Variants in UFC1 observed in about 807,000 individuals in gnomAD.
UFC1 encodes ubiquitin-fold modifier conjugating enzyme 1, also known as ubiquitin-fold modifier-conjugating enzyme 1.
A neutral mutation model predicts 28.0 loss-of-function variants in UFC1; 22 were observed. The observed-to-expected ratio is 0.78, with a 90% CI of 0.56 to 1.12. The LOEUF (loss-of-function observed/expected upper bound fraction) is 1.12. Ranked by LOEUF, UFC1 falls within the 50% of genes most tolerant of loss-of-function variation. UFC1 has a pLI of 0.00. For synonymous variants in UFC1, 61 were observed against 74.5 expected (o/e 0.82, Z 0.93); for missense variants, 189 against 207.8 (o/e 0.91, Z 0.56).
At chr1:161,156,920 T>C in intron 1 of UFC1, 30 bp from the exon 2 acceptor site, 1 of 1,604,230 alleles carries the variant, frequency 6.2e-7, no homozygotes. Flanking sequence ...CCCCAACTAC[T>C]CTCTCAAAGA....
chr1:161,153,978 C>T lies in UFC1; in HGVS notation c.-20C>T, dbSNP rs1276249907. Reference sequence around the variant, plus strand: ...TACAGGCAACACCACTTCCGCGTTTCTCTTGCGCCCTGGTCCAAGATGGCG... The same window carrying T: ...TACAGGCAACACCACTTCCGCGTTTTTCTTGCGCCCTGGTCCAAGATGGCG... On this transcript the variant is annotated 5_prime_UTR_variant, in exon 1 of 6. Coordinates refer to ENST00000368003, the MANE Select transcript of UFC1 (RefSeq NM_016406.4). 2 of 1,613,886 alleles carry T rather than the reference C, an allele frequency of 1.2e-6. No homozygotes were observed. The highest frequency in any genetic ancestry group is 3.3e-5 in the Admixed American group (2 of 59,978).
rs1328721931 is a variant in UFC1, at chr1:161,158,423, G to A, written c.435G>A (p.Trp145Ter). 1 of 1,614,210 alleles carries A rather than the reference G, an allele frequency of 6.2e-7. No homozygotes were observed. The highest frequency in any genetic ancestry group is 2.2e-5 in the East Asian group (1 of 44,888). ...AHLMALGLGP[W>*]LAVEIPDLIQ... is the part of the protein sequence containing the mutation. ...TCCTTGTATTGCAGCTGGGTCCATG[G>A]CTGGCAGTGGAAATCCCTGATCTGA... is the stretch of plus-strand genomic sequence containing the variant. Residue 145 changes from tryptophan (W) to a stop codon, truncating the protein, a stop_gained, in exon 6 of 6, where the codon TGG (tryptophan) becomes TGA (stop). Transcript: ENST00000368003. LOFTEE classifies it high-confidence loss of function.
intron 1 of UFC1, among the ~76,000 whole-genome samples, chr1:161,155,050 G>A (rs1172335605): frequency 3.9e-5 from 6 of 152,008 alleles, no homozygotes; most frequent in African/African-American, 1.2e-4. Flanking sequence ...ATACCAAGCC[G>A]AATAAGGAGG....
At chr1:161,156,416 G>A (rs1475650682) in intron 1 of UFC1, among the ~76,000 whole-genome samples, 1 of 151,332 alleles carries the variant, frequency 6.6e-6, no homozygotes, top group Non-Finnish European at 1.5e-5. Flanking sequence ...GCGGGCACCT[G>A]TAGTTCCAGC....
At chr1:161,157,200 A>G in intron 2 of UFC1, 54 bp from the exon 3 acceptor site, 1 of 1,609,856 alleles carries the variant, frequency 6.2e-7, no homozygotes, top group South Asian at 1.1e-5. Context: ...CCAAGATATC[A>G]TTTGAGTACT....
intron 4 of UFC1, 85 bp from the exon 5 acceptor site, chr1:161,158,036 T>C: frequency 1.7e-6 from 2 of 1,184,654 alleles, no homozygotes; most frequent in South Asian, 2.5e-5. Flanking sequence ...TTCTGATCAC[T>C]AGTAGTCTTC....
chr1:161,157,054 C>T (rs771343038), intron 2 of UFC1, 37 bp downstream of exon 2: 1 of 1,602,360 alleles, frequency 6.2e-7, no homozygotes, highest in South Asian at 1.1e-5. Context: ...GGGTGGGAGT[C>T]TTATATGAGT....
chr1:161,155,066 A>G (rs760179093), intron 1 of UFC1, among the ~76,000 whole-genome samples: 2 of 152,242 alleles, frequency 1.3e-5, no homozygotes, highest in Non-Finnish European at 2.9e-5. Context: ...GGAGGAACTT[A>G]CTGAGGTAGA....
At position 161,158,570 on chromosome 1, in the gene UFC1, C is replaced by T. The variant is rs1416093340; in HGVS notation, c.*78C>T. 3 of 1,475,692 alleles carry T rather than the reference C, an allele frequency of 2.0e-6. No individual in the cohort carries two copies. Among genetic ancestry groups the T allele is most frequent in the Non-Finnish European group, 1.9e-6 (2 of 1,058,532 alleles). The allele number at this position is 1,475,692 out of a possible 1,614,324, so 91.4% of individuals were successfully genotyped here. Reference sequence around the variant, plus strand: ...ATTTTCCTGTGCATCACACTTAACTCATCTAACTGCTTCCCCGGACACCCT... The same window carrying T: ...ATTTTCCTGTGCATCACACTTAACTTATCTAACTGCTTCCCCGGACACCCT... On this transcript the variant is annotated 3_prime_UTR_variant, in exon 6 of 6. Transcript: ENST00000368003.
In UFC1 at chr1:161,154,075, G is replaced by A; in HGVS notation, c.78G>A (p.Glu26=). The A allele has an allele frequency of 1.9e-6, 3 of 1,614,136 alleles. No individual in the cohort carries two copies. Among genetic ancestry groups the A allele is most frequent in the Non-Finnish European group, 2.5e-6 (3 of 1,180,026 alleles). Residue 26 remains glutamate, a synonymous_variant, in exon 1 of 6, where the codon GAG becomes GAA. Transcript: ENST00000368003. ...LKTNAGPRDR[E]LWVQRLKEEY... is the part of the protein sequence containing the mutation. Reference sequence around the variant, plus strand: ...CTAACGCCGGACCCCGAGATCGTGAGTTGTGGGTGCAGCGACTGAAGGAGG... The same window carrying A: ...CTAACGCCGGACCCCGAGATCGTGAATTGTGGGTGCAGCGACTGAAGGAGG...
chr1:161,157,139 C>A (rs1571265792), intron 2 of UFC1, 115 bp from the exon 3 acceptor site: 2 of 1,510,146 alleles, frequency 1.3e-6, no homozygotes, highest in Admixed American at 3.4e-5. Context: ...TCCCACAGCG[C>A]CAGAGTTCCC....
In UFC1 at chr1:161,154,045, G is replaced by C. The variant is rs142213109; in HGVS notation, c.48G>C (p.Leu16=). Residue 16 remains leucine (L), a synonymous_variant, in exon 1 of 6, where the codon CTG becomes CTC. Coordinates refer to ENST00000368003, the MANE Select transcript of UFC1 (RefSeq NM_016406.4). ...TRRVVSEIPV[L]KTNAGPRDRE... ...GTGTTGTGTCTGAGATCCCGGTGCTGAAGACTAACGCCGGACCCCGAGATC... is the reference window on the plus strand; with the variant it reads ...GTGTTGTGTCTGAGATCCCGGTGCTCAAGACTAACGCCGGACCCCGAGATC... The C allele has an allele frequency of 7.9e-5, 128 of 1,614,078 alleles. No individual in the cohort carries two copies. Among genetic ancestry groups the C allele is most frequent in the Admixed American group, 1.8e-4 (11 of 59,986 alleles).
At position 161,154,088 on chromosome 1, in the gene UFC1, C is replaced by T; in HGVS notation, c.91C>T (p.Arg31Ter). The T allele has an allele frequency of 6.2e-6, 10 of 1,613,900 alleles. No homozygotes were observed. Among genetic ancestry groups the T allele is most frequent in the Admixed American group, 1.7e-5 (1 of 59,970 alleles). The change falls in exon 1 of 6, where the codon CGA becomes TGA. Residue 31 changes from arginine (R) to a stop codon, truncating the protein, a stop_gained. Coordinates refer to ENST00000368003, the MANE Select transcript of UFC1 (RefSeq NM_016406.4). LOFTEE classifies it high-confidence loss of function. ...GPRDRELWVQ[R>*]LKEEYQSLIR... ...CCGAGATCGTGAGTTGTGGGTGCAG[C>T]GACTGAAGGAGGAATATCAGTCCCT...
Position 161,156,945 on chromosome 1 carries a change from T to A in UFC1, c.124-5T>A, listed in dbSNP as rs777476658. 3 of 1,614,036 alleles carry A rather than the reference T, an allele frequency of 1.9e-6. No individual in the cohort carries two copies. Among genetic ancestry groups the A allele is most frequent in the Non-Finnish European group, 2.5e-6 (3 of 1,179,900 alleles). On this transcript the variant is annotated splice_region_variant and splice_polypyrimidine_tract_variant and intron_variant, in intron 1 of 5. Coordinates refer to ENST00000368003, the MANE Select transcript of UFC1 (RefSeq NM_016406.4). ...TCTCTCAAAGACCTCATTCTCTGCT[T>A]TCAGTATGTGGAGAACAACAAGAAT... is the stretch of plus-strand genomic sequence containing the variant.
chr1:161,158,118 TA>T lies in UFC1; in HGVS notation c.333-2del. 1 of 1,614,002 alleles carries T rather than the reference TA, an allele frequency of 6.2e-7. No homozygotes were observed. Among genetic ancestry groups the T allele is most frequent in the Non-Finnish European group, 8.5e-7 (1 of 1,179,928 alleles). ...CAACACCTTCTTCATGTCCCTCTCA[TA>T]GGGGTGGCAAAATATGCCTGACGGA... is the stretch of plus-strand genomic sequence containing the variant. On this transcript the variant is annotated splice_acceptor_variant, in intron 4 of 5. Coordinates refer to ENST00000368003, the MANE Select transcript of UFC1 (RefSeq NM_016406.4). LOFTEE classifies it high-confidence loss of function.
At position 161,158,212 on chromosome 1, in the gene UFC1, G is replaced by C; in HGVS notation, c.423+1G>C. ...ACTAGCTCATCTCATGGCTCTGGGG[G>C]TAAGTTTTGTGTATTTGGCATAAAA... is the stretch of plus-strand genomic sequence containing the variant. On this transcript the variant is annotated splice_donor_variant, in intron 5 of 5. Coordinates refer to ENST00000368003, the MANE Select transcript of UFC1 (RefSeq NM_016406.4). LOFTEE classifies it high-confidence loss of function. 2.5e-6 allele frequency: 4 copies of C among 1,614,122 alleles called. No homozygotes were observed.
At chr1:161,157,483 A>G (rs1220735710) in intron 3 of UFC1, 134 bp from the exon 4 acceptor site, 2 of 1,250,904 alleles carry the variant, frequency 1.6e-6, no homozygotes, top group Non-Finnish European at 2.3e-6. Context: ...CTCCACATCC[A>G]GAATCCTGGT....
chr1:161,156,536 C>CAAA lies in UFC1; in HGVS notation c.124-395_124-393dup, dbSNP rs754220776. On this transcript the variant is annotated intron_variant, in intron 1 of 5. Transcript: ENST00000368003. ...TCTGGGTGACAGAGCGAGACTGTCTCAAAAAAAAAAAAAAAAAAAAACCGG... is the reference window on the plus strand; with the variant it reads ...TCTGGGTGACAGAGCGAGACTGTCTCAAAAAAAAAAAAAAAAAAAAAAAACCGG... Among the ~76,000 whole-genome samples, 42 of 49,748 alleles carry CAAA rather than the reference C, an allele frequency of 8.4e-4. 2 individuals are homozygous for CAAA. Among genetic ancestry groups the CAAA allele is most frequent in the African/African-American group, 2.8e-3 (36 of 12,998 alleles). The allele number at this position is 49,748 out of a possible 152,430, so 32.6% of individuals were successfully genotyped here.
chr1:161,157,466 T>G, intron 3 of UFC1, 149 bp downstream of exon 3: 1 of 1,274,496 alleles, frequency 7.8e-7, no homozygotes, highest in Non-Finnish European at 1.1e-6. Flanking sequence ...AAGTTATATT[T>G]ACTCATCTCC....
Sources: allele counts gnomAD v4.1 joint callset (sites outside exome capture counted in the v4.1 genomes callset), GRCh38; gene constraint gnomAD v4.1.1; transcripts MANE v1.5; gene names NCBI Gene and HGNC (gene_info 2026-07-23, HGNC 2026-07-21).